TRPM8: variants seen among roughly 807,000 people sequenced by gnomAD.
TRPM8 encodes TRPM8 cationic channel.
A neutral mutation model predicts 133.7 loss-of-function variants in TRPM8; 110 were observed. The observed-to-expected ratio is 0.82, with a 90% CI of 0.70 to 0.96. The LOEUF (loss-of-function observed/expected upper bound fraction) is 0.96, where lower values mean the gene tolerates loss of function less well. Among genes scored for constraint, TRPM8 ranks in the 40% least tolerant of loss-of-function variants. The probability of loss-of-function intolerance (pLI) is 0.00; values close to 1 mark genes in which losing one functional copy is unlikely to be tolerated. For synonymous variants in TRPM8, 535 were observed against 532.3 expected, an observed-to-expected ratio of 1.01 and a Z score of -0.07; for missense variants, 1,291 against 1,379.5, an observed-to-expected ratio of 0.94 and a Z score of 1.02.
At position 233,939,007 on chromosome 2, in the gene TRPM8, C is replaced by A; in HGVS notation, c.358C>A (p.Leu120Met). ...TLGKKGKYIRLSCDTDAEILY... is the reference protein window; with the variant it reads ...TLGKKGKYIRMSCDTDAEILY... ...GCTTCTCTCCCCATAGTATATACGTCTGTCCTGCGACACGGACGCGGAAAT... is the reference window on the plus strand; with the variant it reads ...GCTTCTCTCCCCATAGTATATACGTATGTCCTGCGACACGGACGCGGAAAT... The change falls in exon 5 of 26, where the codon CTG (leucine) becomes ATG (methionine). Residue 120 changes from leucine (L) to methionine (M), a missense_variant. Leu to Met is a conservative substitution (Grantham distance 15, BLOSUM62 2). This residue lies in a region of TRPM8 where 963 missense variants were observed against 968.9 expected (regional missense o/e 0.99). Transcript: ENST00000324695. The A allele has an allele frequency of 6.2e-7, 1 of 1,614,226 alleles. No individual in the cohort carries two copies.
At chr2:233,999,989 T>A (rs1179673876) in intron 22 of TRPM8, among the ~76,000 whole-genome samples, 1 of 151,786 alleles carries the variant, frequency 6.6e-6, no homozygotes, top group African/African-American at 2.4e-5. Flanking sequence ...TTGATATATT[T>A]TCACAAGTAA....
intron 3 of TRPM8, among the ~76,000 whole-genome samples, chr2:233,931,932 G>A (rs1691687340): frequency 6.6e-6 from 1 of 152,228 alleles, no homozygotes; most frequent in African/African-American, 2.4e-5. Flanking sequence ...GCCCAGAGAA[G>A]TTCAGTATTT....
chr2:234,011,708 G>A (rs1393440406), intron 24 of TRPM8, among the ~76,000 whole-genome samples: 3 of 152,028 alleles, frequency 2.0e-5, no homozygotes, highest in Admixed American at 2.0e-4. Flanking sequence ...CACAAGGTCA[G>A]GAGATCGAGA....
chr2:234,002,817 A>G (rs1283533917), intron 22 of TRPM8, among the ~76,000 whole-genome samples: 2 of 152,052 alleles, frequency 1.3e-5, no homozygotes, highest in Admixed American at 6.5e-5. Context: ...TCCTCATTCT[A>G]CTGTTCACAG....
chr2:233,927,272 T>C (rs1025137689), intron 2 of TRPM8, among the ~76,000 whole-genome samples: 5 of 152,124 alleles, frequency 3.3e-5, no homozygotes, highest in Non-Finnish European at 7.4e-5. Flanking sequence ...AGTTCTGGGG[T>C]GTTGCTTAGG....
At chr2:234,010,481 C>A (rs1199932740) in intron 24 of TRPM8, among the ~76,000 whole-genome samples, 2 of 152,160 alleles carry the variant, frequency 1.3e-5, no homozygotes, top group Non-Finnish European at 2.9e-5. Flanking sequence ...GATTTCAATT[C>A]TTTTGGACCT....
At chr2:233,970,461 T>C (rs748263798) in intron 17 of TRPM8, 35 bp downstream of exon 17, 1 of 1,586,162 alleles carries the variant, frequency 6.3e-7, no homozygotes, top group Non-Finnish European at 8.7e-7. Flanking sequence ...CCCCCTCGCT[T>C]CCTCGGTGGG....
intron 22 of TRPM8, among the ~76,000 whole-genome samples, chr2:233,997,747 C>T (rs1400595274): frequency 6.6e-6 from 1 of 152,158 alleles, no homozygotes; most frequent in Non-Finnish European, 1.5e-5. Context: ...CAGCCATCAA[C>T]CCAACGCATC....
Position 233,975,144 on chromosome 2 carries a change from G to A in TRPM8, c.2355+4718G>A, listed in dbSNP as rs375431547. 1.1e-4 allele frequency among the ~76,000 whole-genome samples: 17 copies of A among 152,046 alleles called. No homozygotes were observed. In the South Asian group the frequency reaches 3.6e-3, roughly 32 times the overall value. On this transcript the variant is annotated intron_variant, in intron 17 of 25. Transcript: ENST00000324695. Reference sequence around the variant, plus strand: ...TTGTTGCTCAGAATTGCGTGGCATGGGAATGATTTGATTTAGATGTTTATT... The same window carrying A: ...TTGTTGCTCAGAATTGCGTGGCATGAGAATGATTTGATTTAGATGTTTATT...
rs187004733 is a variant in TRPM8 at position 233,927,869 on chromosome 2, T to C, written c.117+1215T>C. 4.5e-3 allele frequency among the ~76,000 whole-genome samples: 225 copies of C among 50,072 alleles called. 12 individuals carry two copies. The highest frequency in any genetic ancestry group is 9.7e-3 in the African/African-American group (48 of 4,972). The allele number at this position is 50,072 out of a possible 152,430, so 32.8% of individuals were successfully genotyped here. On this transcript the variant is annotated intron_variant, in intron 2 of 25. Coordinates refer to ENST00000324695, the MANE Select transcript of TRPM8 (RefSeq NM_024080.5). ...CTTCCTTCCTTTCTTTCTCTTTCTTTCTTTCTTTCTTTCTTTCTTTCTTTC... is the reference window on the plus strand; with the variant it reads ...CTTCCTTCCTTTCTTTCTCTTTCTTCCTTTCTTTCTTTCTTTCTTTCTTTC...
intron 1 of TRPM8, among the ~76,000 whole-genome samples, chr2:233,923,949 A>G (rs1433801058): frequency 6.6e-6 from 1 of 152,238 alleles, no homozygotes; most frequent in Non-Finnish European, 1.5e-5. Flanking sequence ...AATAAGGGGA[A>G]CATGCTGGGC....
In TRPM8 at chr2:233,927,851, CCTTT is replaced by C. The variant is rs1263710967; in HGVS notation, c.117+1204_117+1207del. ...TCCTTCCTTCCTTCCTTCCTTCCTT[CCTTT>C]CTTTCTCTTTCTTTCTTTCTTTCTT... On this transcript the variant is annotated intron_variant, in intron 2 of 25. Transcript: ENST00000324695. Among the ~76,000 whole-genome samples the C allele has an allele frequency of 3.4e-3, 128 of 37,564 alleles. 18 individuals are homozygous for C. The highest frequency in any genetic ancestry group is 0.012 in the African/African-American group (61 of 5,174). The allele number at this position is 37,564 out of a possible 152,430, so 24.6% of individuals were successfully genotyped here. A position where few individuals can be genotyped will look rare whatever the true frequency, so the allele number is the denominator to read the frequency against.
chr2:233,999,319 G>A (rs1047455994), intron 22 of TRPM8, among the ~76,000 whole-genome samples: 2 of 151,114 alleles, frequency 1.3e-5, no homozygotes, highest in Non-Finnish European at 2.9e-5. Context: ...ACCACACATA[G>A]CAGCTGGGTT....
In TRPM8 at chr2:233,930,774, C is replaced by T. The variant is rs201148513; in HGVS notation, c.191+33C>T. 64 of 1,520,190 alleles carry T rather than the reference C, an allele frequency of 4.2e-5. 1 individual carries two copies. In the South Asian group the frequency reaches 6.5e-4, roughly 16 times the overall value. The allele number at this position is 1,520,190 out of a possible 1,614,324, so 94.2% of individuals were successfully genotyped here. On this transcript the variant is annotated intron_variant, in intron 3 of 25. Coordinates refer to ENST00000324695, the MANE Select transcript of TRPM8 (RefSeq NM_024080.5). Reference sequence around the variant, plus strand: ...ACTATTTTCCCTCCAGTTTTGCTTTCCAAGTTCAAAAAAATTATCAGCCAC... The same window carrying T: ...ACTATTTTCCCTCCAGTTTTGCTTTTCAAGTTCAAAAAAATTATCAGCCAC...
intron 11 of TRPM8, among the ~76,000 whole-genome samples, chr2:233,956,188 C>G (rs558631586): frequency 6.6e-6 from 1 of 152,076 alleles, no homozygotes; most frequent in Admixed American, 6.6e-5. Context: ...CCAGCCTGGT[C>G]GATGGTAAAA....
intron 17 of TRPM8, among the ~76,000 whole-genome samples, chr2:233,971,549 G>A (rs1691719399): frequency 6.6e-6 from 1 of 152,188 alleles, no homozygotes; most frequent in East Asian, 1.9e-4. Flanking sequence ...TGGAGGAAGT[G>A]TGTCTGGAAT....
intron 9 of TRPM8, among the ~76,000 whole-genome samples, chr2:233,952,896 G>A (rs879414338): frequency 5.3e-5 from 8 of 152,032 alleles, no homozygotes; most frequent in African/African-American, 1.7e-4. Context: ...CACTTGTGCC[G>A]TAGAATTTTG....
At chr2:233,947,234 A>C in intron 8 of TRPM8, 79 bp downstream of exon 8, 1 of 1,590,440 alleles carries the variant, frequency 6.3e-7, no homozygotes, top group Non-Finnish European at 8.6e-7. Flanking sequence ...ATTTGGGCTC[A>C]TCTAATCTAA....
chr2:233,945,697 A>G (rs767702462), intron 6 of TRPM8, among the ~76,000 whole-genome samples, 159 bp from the exon 7 acceptor site: 9 of 152,232 alleles, frequency 5.9e-5, no homozygotes, highest in Admixed American at 3.3e-4. Flanking sequence ...GGAAGTCTGT[A>G]CTATAAGATC....
Sources: gnomAD v4.1 joint callset for allele counts (sites outside exome capture counted in the v4.1 genomes callset) on GRCh38, gnomAD v4.1.1 for gene constraint, gnomAD v4.1.1 regional missense constraint, MANE v1.5 for transcripts, NCBI Gene and HGNC (gene_info 2026-07-23, HGNC 2026-07-21) for gene names.